The following STPG2 variants were observed in gnomAD, a reference collection of about 807,000 sequenced individuals.
STPG2 encodes the protein sperm-tail PG-rich repeat-containing protein 2.
Under a neutral mutation model 54.2 loss-of-function variants are expected in STPG2, and 56 were observed. The observed-to-expected ratio is 1.03, with a 90% CI of 0.83 to 1.29. STPG2 has a LOEUF of 1.29. STPG2 is among the 50% of genes most tolerant of loss of function. The pLI is 0.00. For missense variants in STPG2, 596 were observed against 544.9 expected (o/e 1.09, Z -0.93); for synonymous variants, 200 against 181.8 (o/e 1.10, Z -0.81).
At chr4:97,457,729 A>C (rs1729564035) in intron 4 of STPG2, among the ~76,000 whole-genome samples, 1 of 152,268 alleles carries the variant, frequency 6.6e-6, no homozygotes, top group Non-Finnish European at 1.5e-5. Flanking sequence ...GCTGCAAATA[A>C]TACGTGAAAG....
intron 10 of STPG2, among the ~76,000 whole-genome samples, chr4:97,641,956 A>G (rs1264312648): frequency 2.6e-5 from 4 of 151,584 alleles, no homozygotes; most frequent in African/African-American, 9.7e-5. Flanking sequence ...GATTACATGC[A>G]TAAAATAATA....
At chr4:97,765,733 A>T (rs1266162653) in intron 9 of STPG2, among the ~76,000 whole-genome samples, 1 of 152,184 alleles carries the variant, frequency 6.6e-6, no homozygotes, top group Non-Finnish European at 1.5e-5. Context: ...CATACAAACA[A>T]ACTAATTCAG....
At chr4:98,070,967 A>T (rs1737985110) in intron 5 of STPG2, among the ~76,000 whole-genome samples, 1 of 151,644 alleles carries the variant, frequency 6.6e-6, no homozygotes. Context: ...TGCTATTCCC[A>T]TTAAACTACC....
At chr4:97,947,328 T>C (rs1381248128) in intron 7 of STPG2, among the ~76,000 whole-genome samples, 5 of 152,182 alleles carry the variant, frequency 3.3e-5, no homozygotes, top group Non-Finnish European at 5.9e-5. Context: ...TTTTCTATGA[T>C]ATATAATCAT....
chr4:98,063,981 G>A (rs1249441477), intron 5 of STPG2, among the ~76,000 whole-genome samples: 4 of 151,828 alleles, frequency 2.6e-5, no homozygotes, highest in South Asian at 2.1e-4. Flanking sequence ...CAGAAACCAC[G>A]AATAAACACA....
At chr4:98,046,712 C>T (rs892008383) in intron 5 of STPG2, among the ~76,000 whole-genome samples, 8 of 152,184 alleles carry the variant, frequency 5.3e-5, no homozygotes, top group Non-Finnish European at 7.3e-5. Context: ...AATTTTATCT[C>T]ACTCACTCTG....
chr4:97,803,922 C>A (rs376669751), intron 9 of STPG2, among the ~76,000 whole-genome samples: 1 of 152,126 alleles, frequency 6.6e-6, no homozygotes, highest in Non-Finnish European at 1.5e-5. Flanking sequence ...TGGGCAAGAG[C>A]AAATCACAGT....
At chr4:97,461,790 C>T (rs1729671061) in intron 4 of STPG2, among the ~76,000 whole-genome samples, 1 of 152,002 alleles carries the variant, frequency 6.6e-6, no homozygotes, top group South Asian at 2.1e-4. Flanking sequence ...AGTCTTTGTC[C>T]ATTTTTATTG....
intron 7 of STPG2, among the ~76,000 whole-genome samples, chr4:97,970,372 A>G (rs1167631338): frequency 6.6e-6 from 1 of 152,216 alleles, no homozygotes; most frequent in African/African-American, 2.4e-5. Flanking sequence ...AGCAAAAAGA[A>G]TAAAGCTGGA....
intron 10 of STPG2, among the ~76,000 whole-genome samples, chr4:97,589,627 C>A (rs1733087168): frequency 6.6e-6 from 1 of 151,858 alleles, no homozygotes; most frequent in Admixed American, 6.6e-5. Flanking sequence ...TTGGTCATAA[C>A]TATTCAACTC....
intron 4 of STPG2, among the ~76,000 whole-genome samples, chr4:97,540,451 A>G (rs1731667201): frequency 6.6e-6 from 1 of 152,218 alleles, no homozygotes; most frequent in African/African-American, 2.4e-5. Flanking sequence ...TGAATAGACC[A>G]ATAACAGGCT....
intron 9 of STPG2, among the ~76,000 whole-genome samples, chr4:97,741,340 A>C (rs1400974530): frequency 6.6e-6 from 1 of 152,194 alleles, no homozygotes; most frequent in Non-Finnish European, 1.5e-5. Flanking sequence ...AAGCAATGGC[A>C]ACAAAAGCCA....
chr4:97,577,951 AAAGTT>A (rs1732764301), intron 10 of STPG2, among the ~76,000 whole-genome samples: 1 of 152,180 alleles, frequency 6.6e-6, no homozygotes, highest in African/African-American at 2.4e-5. Flanking sequence ...CTCAAAAAAT[AAAGTT>A]ATTATCTTTG....
At chr4:97,761,472 C>A (rs1336646813) in intron 9 of STPG2, among the ~76,000 whole-genome samples, 5 of 152,112 alleles carry the variant, frequency 3.3e-5, no homozygotes, top group Non-Finnish European at 5.9e-5. Context: ...CTATAGGTTT[C>A]GGAGTGACCA....
intron 10 of STPG2, among the ~76,000 whole-genome samples, chr4:97,670,771 GA>G (rs1722671202): frequency 6.6e-6 from 1 of 152,182 alleles, no homozygotes; most frequent in Non-Finnish European, 1.5e-5. Flanking sequence ...TATGAAGGCA[GA>G]TGTACTGACA....
chr4:97,996,953 T>C (rs981849659), intron 5 of STPG2, among the ~76,000 whole-genome samples: 1 of 152,158 alleles, frequency 6.6e-6, no homozygotes, highest in East Asian at 1.9e-4. Flanking sequence ...GCAGGCAAGG[T>C]GGCAGAGAAA....
chr4:97,945,920 G>A (rs867007128), intron 7 of STPG2, among the ~76,000 whole-genome samples: 1 of 152,134 alleles, frequency 6.6e-6, no homozygotes, highest in South Asian at 2.1e-4. Flanking sequence ...TTAGCTGAGT[G>A]TGGTGGCATA....
chr4:97,837,483 T>C (rs1005978713), intron 9 of STPG2, among the ~76,000 whole-genome samples: 3 of 151,772 alleles, frequency 2.0e-5, no homozygotes, highest in Admixed American at 6.6e-5. Context: ...ACTTAACAAT[T>C]TCACTTACCG....
chr4:97,798,070 T>C (rs1727259878), intron 9 of STPG2, among the ~76,000 whole-genome samples: 1 of 152,218 alleles, frequency 6.6e-6, no homozygotes, highest in Non-Finnish European at 1.5e-5. Context: ...TATTTGATTC[T>C]TCTCTCTTCT....
Sources: gnomAD v4.1 joint callset for allele counts (sites outside exome capture counted in the v4.1 genomes callset) on GRCh38, gnomAD v4.1.1 for gene constraint, MANE v1.5 for transcripts, NCBI Gene and HGNC (gene_info 2026-07-23, HGNC 2026-07-21) for gene names.